The following HPSE2 variants were observed in gnomAD, a reference collection of about 807,000 sequenced individuals.
The protein encoded by HPSE2 is heparanase 2 (inactive).
HPSE2 carries 38 observed loss-of-function variants against 60.5 expected under a neutral mutation model. The observed-to-expected ratio is 0.63, with a 90% CI of 0.48 to 0.82. The LOEUF (loss-of-function observed/expected upper bound fraction) is 0.82, where lower values mean the gene tolerates loss of function less well. HPSE2 is among the 40% of genes least tolerant of loss of function. The probability of loss-of-function intolerance (pLI) is 0.00; values close to 1 mark genes in which losing one functional copy is unlikely to be tolerated. For missense variants in HPSE2, 713 were observed against 740.4 expected (o/e 0.96, Z 0.43); for synonymous variants, 295 against 293.2 (o/e 1.01, Z -0.06).
intron 3 of HPSE2, among the ~76,000 whole-genome samples, chr10:98,984,596 C>A (rs987018414): frequency 2.0e-5 from 3 of 152,290 alleles, no homozygotes; most frequent in Admixed American, 6.5e-5. Flanking sequence ...TCTCCTCCTA[C>A]AAAGGAACGC....
At chr10:98,985,526 A>G (rs1220935529) in intron 3 of HPSE2, among the ~76,000 whole-genome samples, 1 of 152,238 alleles carries the variant, frequency 6.6e-6, no homozygotes, top group Non-Finnish European at 1.5e-5. Flanking sequence ...AGTACCAGCC[A>G]CTGCAAAAAC....
intron 3 of HPSE2, among the ~76,000 whole-genome samples, chr10:98,886,462 G>T (rs1353634434): frequency 6.6e-6 from 1 of 152,094 alleles, no homozygotes; most frequent in African/African-American, 2.4e-5. Context: ...AACACAAAAT[G>T]TCTAGCCAGG....
intron 3 of HPSE2, among the ~76,000 whole-genome samples, chr10:98,979,414 A>C (rs945056947): frequency 2.0e-5 from 3 of 152,200 alleles, no homozygotes; most frequent in African/African-American, 4.8e-5. Flanking sequence ...TATTTTTTAA[A>C]AAATAAGCAT....
At chr10:98,952,122 A>G (rs1008240627) in intron 3 of HPSE2, among the ~76,000 whole-genome samples, 2 of 152,092 alleles carry the variant, frequency 1.3e-5, no homozygotes, top group South Asian at 2.1e-4. Flanking sequence ...ATTCTATTTC[A>G]TAGGATTTTG....
At chr10:98,508,527 G>T (rs1248425237) in intron 9 of HPSE2, among the ~76,000 whole-genome samples, 3 of 152,192 alleles carry the variant, frequency 2.0e-5, no homozygotes, top group African/African-American at 7.2e-5. Flanking sequence ...GCATCATGAA[G>T]TTTCTAACCT....
chr10:99,263,967 C>G, the HPSE2 span, among the ~76,000 whole-genome samples: 1 of 152,186 alleles, frequency 6.6e-6, no homozygotes, highest in Admixed American at 6.5e-5. Context: ...CTATTCTTTA[C>G]TTTTATACTC....
At chr10:98,749,419 CATAT>C (rs1284337489) in intron 3 of HPSE2, among the ~76,000 whole-genome samples, 1 of 150,752 alleles carries the variant, frequency 6.6e-6, no homozygotes, top group Non-Finnish European at 1.5e-5. Context: ...CATATACATG[CATAT>C]ATATATCTGT....
At chr10:99,206,336 T>C (rs10786520) in intron 2 of HPSE2, among the ~76,000 whole-genome samples, 75,038 of 152,012 alleles carry the variant, frequency 0.49, 21,708 homozygotes, top group Non-Finnish European at 0.64. Flanking sequence ...CACAGTGTCT[T>C]ATGTCTGTAA....
intron 9 of HPSE2, among the ~76,000 whole-genome samples, chr10:98,610,548 T>C (rs551048329): frequency 1.3e-5 from 2 of 152,206 alleles, no homozygotes; most frequent in East Asian, 3.9e-4. Context: ...ACTCAATAAG[T>C]GTGCACTGGG....
chr10:98,525,960 C>T (rs1354259255), intron 9 of HPSE2, among the ~76,000 whole-genome samples: 3 of 152,166 alleles, frequency 2.0e-5, no homozygotes, highest in Non-Finnish European at 2.9e-5. Flanking sequence ...AAGGCAAAAT[C>T]GCAGGAACAA....
intron 3 of HPSE2, among the ~76,000 whole-genome samples, chr10:99,006,430 A>G (rs1192545561): frequency 6.6e-6 from 1 of 152,158 alleles, no homozygotes; most frequent in African/African-American, 2.4e-5. Context: ...CTTGCCTTGT[A>G]TCTGATGCCA....
intron 9 of HPSE2, among the ~76,000 whole-genome samples, chr10:98,610,421 G>C (rs1349272634): frequency 6.6e-6 from 1 of 152,158 alleles, no homozygotes; most frequent in Non-Finnish European, 1.5e-5. Context: ...CGATGGCTTG[G>C]CTCAGAGCAT....
At chr10:98,542,090 A>T (rs540269097) in intron 9 of HPSE2, among the ~76,000 whole-genome samples, 1 of 151,812 alleles carries the variant, frequency 6.6e-6, no homozygotes, top group Non-Finnish European at 1.5e-5. Flanking sequence ...GTAGGGGCAG[A>T]CTGACACCTC....
At chr10:98,867,008 T>A (rs1478797927) in intron 3 of HPSE2, among the ~76,000 whole-genome samples, 1 of 152,040 alleles carries the variant, frequency 6.6e-6, no homozygotes, top group African/African-American at 2.4e-5. Context: ...AACCAGACAA[T>A]AAAGGACAGT....
chr10:98,477,267 A>G (rs752057554), intron 11 of HPSE2, among the ~76,000 whole-genome samples: 13 of 152,240 alleles, frequency 8.5e-5, no homozygotes, highest in Admixed American at 1.3e-4. Flanking sequence ...AGTTGCAGCC[A>G]TAGGTACAGT....
chr10:99,096,946 A>G (rs1173848222), intron 3 of HPSE2, among the ~76,000 whole-genome samples: 1 of 152,208 alleles, frequency 6.6e-6, no homozygotes, highest in African/African-American at 2.4e-5. Context: ...GAGCCAAGGT[A>G]AAGCCATGCC....
chr10:98,577,034 C>G (rs1354764873), intron 9 of HPSE2, among the ~76,000 whole-genome samples: 1 of 151,880 alleles, frequency 6.6e-6, no homozygotes, highest in Non-Finnish European at 1.5e-5. Context: ...CCTTCCTTCT[C>G]CTGATGAAGT....
upstream of HPSE2, among the ~76,000 whole-genome samples, chr10:99,239,418 GTTTTTTTTTTTTTT>G (rs760549054): frequency 2.0e-5 from 2 of 100,404 alleles, no homozygotes; most frequent in Non-Finnish European, 4.0e-5. Flanking sequence ...GTTTGTCAAG[GTTTTTTTTTTTTTT>G]TTTTTTTTTT....
intron 9 of HPSE2, among the ~76,000 whole-genome samples, chr10:98,520,175 G>T (rs1388897846): frequency 6.6e-6 from 1 of 152,206 alleles, no homozygotes; most frequent in East Asian, 1.9e-4. Flanking sequence ...TCCACCCTCT[G>T]CAGGGCAGCT....
Sources: gnomAD v4.1 joint callset for allele counts (sites outside exome capture counted in the v4.1 genomes callset) on GRCh38, gnomAD v4.1.1 for gene constraint, MANE v1.5 for transcripts, NCBI Gene and HGNC (gene_info 2026-07-23, HGNC 2026-07-21) for gene names.